Variants in ADARB1 observed in about 807,000 individuals in gnomAD.
ADARB1 encodes the protein double-stranded RNA-specific editase 1.
A neutral mutation model predicts 52.4 loss-of-function variants in ADARB1; 10 were observed. The observed-to-expected ratio is 0.19, with a 90% confidence interval of 0.12 to 0.32. ADARB1 has a LOEUF of 0.32. ADARB1 is among the 10% of genes least tolerant of loss of function. ADARB1 has a pLI of 1.00. For missense variants in ADARB1, 643 were observed against 922.3 expected (o/e 0.70, Z 3.92); for synonymous variants, 349 against 371.1 (o/e 0.94, Z 0.68).
intron 1 of ADARB1, among the ~76,000 whole-genome samples, chr21:45,077,922 G>A (rs2086008091): frequency 6.6e-6 from 1 of 152,208 alleles, no homozygotes; most frequent in Non-Finnish European, 1.5e-5. Flanking sequence ...TATCTGGGGT[G>A]TGGACAGGGA....
At chr21:45,165,458 C>T (rs1025423625) in intron 2 of ADARB1, among the ~76,000 whole-genome samples, 8 of 152,166 alleles carry the variant, frequency 5.3e-5, no homozygotes, top group African/African-American at 1.7e-4. Flanking sequence ...CTTGCTTGCT[C>T]TGTGTACAAG....
Position 45,222,313 on chromosome 21 carries a change from G to A in ADARB1, c.*116G>A, listed in dbSNP as rs1003084823. On this transcript the variant is annotated 3_prime_UTR_variant, in exon 11 of 11. Coordinates refer to ENST00000348831, the MANE Select transcript of ADARB1 (RefSeq NM_001112.4). ...CCTTGGGGAGGGAGTAGGGGGACACGGGGGACCACCAGGTGTCCACGGTTG... is the reference window on the plus strand; with the variant it reads ...CCTTGGGGAGGGAGTAGGGGGACACAGGGGACCACCAGGTGTCCACGGTTG... The A allele has an allele frequency of 6.4e-6, 9 of 1,407,204 alleles. No homozygotes were observed. The highest frequency in any genetic ancestry group is 5.5e-5 in the East Asian group (2 of 36,536). The allele number at this position is 1,407,204 out of a possible 1,614,324, so 87.2% of individuals were successfully genotyped here.
intron 1 of ADARB1, among the ~76,000 whole-genome samples, chr21:45,125,026 G>A (rs2088487964): frequency 6.6e-6 from 1 of 151,920 alleles, no homozygotes; most frequent in South Asian, 2.1e-4. Context: ...TGAACTCCTG[G>A]GCTCAAGTGA....
At chr21:45,216,943 A>G (rs945096728) in intron 9 of ADARB1, among the ~76,000 whole-genome samples, 2 of 151,950 alleles carry the variant, frequency 1.3e-5, no homozygotes, top group Non-Finnish European at 2.9e-5. Flanking sequence ...CTCCTTTACC[A>G]TTATATGATG....
chr21:45,086,662 A>G (rs414189), intron 1 of ADARB1, among the ~76,000 whole-genome samples: 151,556 of 152,386 alleles, frequency 0.99, 75,368 homozygotes, highest in Middle Eastern at 1. Context: ...CATATCAGTA[A>G]TTTGTTCCTT....
chr21:45,089,423 TG>T (rs1385956925), intron 1 of ADARB1, among the ~76,000 whole-genome samples: 1 of 152,186 alleles, frequency 6.6e-6, no homozygotes, highest in Non-Finnish European at 1.5e-5. Flanking sequence ...GCTGTTTACC[TG>T]GTTTATCTTG....
intron 2 of ADARB1, among the ~76,000 whole-genome samples, chr21:45,163,580 G>GC (rs2091094794): frequency 6.6e-6 from 1 of 151,632 alleles, no homozygotes; most frequent in South Asian, 2.1e-4. Context: ...GGCCCTCAAG[G>GC]CCCCCCACTG....
At chr21:45,216,097 TAATA>T (rs2092857050) in intron 9 of ADARB1, among the ~76,000 whole-genome samples, 1 of 152,168 alleles carries the variant, frequency 6.6e-6, no homozygotes, top group Non-Finnish European at 1.5e-5. Context: ...CTAATTTGTC[TAATA>T]TATTGGCATA....
chr21:45,174,095 A>G (rs1011925305), intron 3 of ADARB1, among the ~76,000 whole-genome samples: 1 of 152,196 alleles, frequency 6.6e-6, no homozygotes, highest in Non-Finnish European at 1.5e-5. Flanking sequence ...TATTTTCACA[A>G]CTTTTCAGTT....
chr21:45,146,897 C>T (rs1341674155), intron 2 of ADARB1, among the ~76,000 whole-genome samples: 1 of 152,210 alleles, frequency 6.6e-6, no homozygotes, highest in African/African-American at 2.4e-5. Context: ...GGTAAAAATT[C>T]TGGCTTCTTC....
At chr21:45,113,646 A>T (rs2087670654) in intron 1 of ADARB1, among the ~76,000 whole-genome samples, 1 of 151,942 alleles carries the variant, frequency 6.6e-6, no homozygotes, top group African/African-American at 2.4e-5. Context: ...AGCCACTAGG[A>T]AGCTGCCCTG....
intron 9 of ADARB1, among the ~76,000 whole-genome samples, chr21:45,215,505 A>C (rs1045918171): frequency 1.3e-5 from 2 of 151,954 alleles, no homozygotes; most frequent in Non-Finnish European, 2.9e-5. Context: ...ACTTAGGCCT[A>C]TAGTCCCAGC....
chr21:45,100,469 G>GCCT (rs1350223870), intron 1 of ADARB1: 9 of 152,216 alleles, frequency 5.9e-5, no homozygotes, highest in African/African-American at 2.2e-4. Context: ...GAACAAGGAG[G>GCCT]CCTCGCACAC....
chr21:45,136,800 G>A (rs752499287), intron 2 of ADARB1, among the ~76,000 whole-genome samples: 2 of 152,234 alleles, frequency 1.3e-5, no homozygotes, highest in African/African-American at 2.4e-5. Context: ...CAGGGGCCAG[G>A]GACACTGGTA....
intron 1 of ADARB1, among the ~76,000 whole-genome samples, chr21:45,081,830 TG>T (rs2086163776): frequency 6.6e-6 from 1 of 152,124 alleles, no homozygotes; most frequent in African/African-American, 2.4e-5. Context: ...CCAGAGAGCC[TG>T]CTTATTAGAG....
Position 45,224,774 on chromosome 21 carries a change from T to G in ADARB1, c.*2577T>G. ...GTGACGTGCAGGGGACCAGAGGCTC[T>G]GCACTGCTCCTAGGACAGCTCATCT... is the stretch of plus-strand genomic sequence containing the variant. On this transcript the variant is annotated 3_prime_UTR_variant, in exon 11 of 11. Coordinates refer to ENST00000348831, the MANE Select transcript of ADARB1 (RefSeq NM_001112.4). 1.0e-6 allele frequency: 1 copy of G among 985,362 alleles called. No homozygotes were observed. Among genetic ancestry groups the G allele is most frequent in the Non-Finnish European group, 1.2e-6 (1 of 830,674 alleles). The allele number at this position is 985,362 out of a possible 1,614,324, so 61.0% of individuals were successfully genotyped here. A position where few individuals can be genotyped will look rare whatever the true frequency, so the allele number is the denominator to read the frequency against.
rs2092964254 is a variant in ADARB1 at position 45,221,567 on chromosome 21, G to A, written c.1927-451G>A. Among the ~76,000 whole-genome samples, 1 of 152,188 alleles carries A rather than the reference G, an allele frequency of 6.6e-6. No homozygotes were observed. On this transcript the variant is annotated intron_variant, in intron 10 of 10. Coordinates refer to ENST00000348831, the MANE Select transcript of ADARB1 (RefSeq NM_001112.4). The surrounding 1 kb of genome is among the most constrained non-coding windows in gnomAD (Gnocchi z 4.9). ...ATGGGAGGTATAGCCAGAAGGGACA[G>A]TGCCCGGGAGGGTCCTGTTCACCAG...
At chr21:45,153,453 CTG>C (rs1322822336) in intron 2 of ADARB1, among the ~76,000 whole-genome samples, 5 of 152,182 alleles carry the variant, frequency 3.3e-5, no homozygotes, top group African/African-American at 1.2e-4. Context: ...GCCTCTGCCT[CTG>C]TGTCTTCTGG....
At chr21:45,132,741 A>T (rs916994664) in intron 2 of ADARB1, among the ~76,000 whole-genome samples, 10 of 152,238 alleles carry the variant, frequency 6.6e-5, no homozygotes, top group African/African-American at 2.4e-4. Flanking sequence ...CCTATGCAGT[A>T]AACTCCATTG....
Sources: allele counts gnomAD v4.1 joint callset (sites outside exome capture counted in the v4.1 genomes callset), GRCh38; gene constraint gnomAD v4.1.1; non-coding constraint Gnocchi (gnomAD v3.1); transcripts MANE v1.5; gene names NCBI Gene and HGNC (gene_info 2026-07-23, HGNC 2026-07-21).